Variants in ABCA10 observed in about 807,000 individuals in gnomAD.
The protein encoded by ABCA10 is ATP binding cassette subfamily A member 10, also known as ATP-binding cassette sub-family A member 10.
ABCA10 carries 169 observed loss-of-function variants against 187.5 expected under a neutral mutation model. The observed-to-expected ratio is 0.90, with a 90% CI of 0.80 to 1.02. ABCA10 has a LOEUF of 1.02. Among genes scored for constraint, ABCA10 ranks in the 50% least tolerant of loss-of-function variants. The probability of loss-of-function intolerance (pLI) is 0.00; values close to 1 mark genes in which losing one functional copy is unlikely to be tolerated. For missense variants in ABCA10, 1,727 were observed against 1,812.4 expected (o/e 0.95, Z 0.86); for synonymous variants, 574 against 601.8 (o/e 0.95, Z 0.68).
intron 20 of ABCA10, among the ~76,000 whole-genome samples, chr17:69,184,855 G>A (rs1344922927): frequency 9.8e-6 from 1 of 102,132 alleles, no homozygotes; most frequent in East Asian, 2.0e-4. Flanking sequence ...GTATATGTGT[G>A]TGTGTGTGTG....
chr17:69,182,929 G>T lies in ABCA10; in HGVS notation c.2498-121C>A, dbSNP rs912960590. On this transcript the variant is annotated intron_variant, in intron 20 of 38. Coordinates refer to ENST00000690296, the MANE Select transcript of ABCA10 (RefSeq NM_001377321.1). Reference sequence around the variant, plus strand: ...GAAAAACCCAGAATAGCTTAGTAAAGAGCCTTGCTCTTTAGGAGTACAATA... The same window carrying T: ...GAAAAACCCAGAATAGCTTAGTAAATAGCCTTGCTCTTTAGGAGTACAATA... 8.6e-6 allele frequency: 11 copies of T among 1,285,046 alleles called. No individual in the cohort carries two copies. In the African/African-American group the frequency reaches 1.5e-4, roughly 17 times the overall value. 79.6% of individuals were successfully genotyped at this position (1,285,046 alleles called of 1,614,324 possible).
Position 69,227,248 on chromosome 17 carries a change from T to C in ABCA10, c.-275A>G, listed in dbSNP as rs2074801955. On this transcript the variant is annotated 5_prime_UTR_variant, in exon 2 of 39. Transcript: ENST00000690296. ...TCTCTTTTTTAACCATTTTGTCCTG[T>C]TCATTAACAGGGTAAAGTAAATATT... The C allele has an allele frequency of 6.6e-6, 1 of 151,508 alleles. No homozygotes were observed. The highest frequency in any genetic ancestry group is 6.6e-5 in the Admixed American group (1 of 15,110). The allele number at this position is 151,508 out of a possible 1,614,324, so 9.4% of individuals were successfully genotyped here.
At chr17:69,170,088 GA>G (rs1032260051) in intron 25 of ABCA10, among the ~76,000 whole-genome samples, 38 of 152,144 alleles carry the variant, frequency 2.5e-4, no homozygotes, top group Middle Eastern at 3.4e-3. Context: ...AGGAGTTCAA[GA>G]CCAGCCTGGC....
intron 25 of ABCA10, among the ~76,000 whole-genome samples, chr17:69,166,872 T>C (rs1219610118): frequency 6.6e-6 from 1 of 152,106 alleles, no homozygotes; most frequent in Admixed American, 6.6e-5. Flanking sequence ...GGACACTGAT[T>C]AGTAGAAAAC....
At chr17:69,211,333 A>ATCATATATATACATCATATATAT (rs2074652675) in intron 9 of ABCA10, among the ~76,000 whole-genome samples, 1 of 111,592 alleles carries the variant, frequency 9.0e-6, no homozygotes, top group African/African-American at 5.6e-5. Flanking sequence ...ATATATATAT[A>ATCATATATATACATCATATATAT]TATATATATA....
intron 9 of ABCA10, among the ~76,000 whole-genome samples, chr17:69,207,538 T>G (rs552735179): frequency 2.0e-5 from 3 of 152,210 alleles, no homozygotes; most frequent in South Asian, 2.1e-4. Flanking sequence ...GAGATAGATA[T>G]ATATATATAT....
intron 6 of ABCA10, among the ~76,000 whole-genome samples, chr17:69,218,391 A>G (rs1298491777): frequency 6.6e-6 from 1 of 151,962 alleles, no homozygotes; most frequent in Non-Finnish European, 1.5e-5. Context: ...GGTTTTAGGG[A>G]AAAATCTTAA....
chr17:69,191,177 T>A lies in ABCA10; in HGVS notation c.2010A>T (p.Pro670=). The A allele has an allele frequency of 6.3e-7, 1 of 1,590,880 alleles. No homozygotes were observed. Among genetic ancestry groups the A allele is most frequent in the Non-Finnish European group, 8.6e-7 (1 of 1,167,474 alleles). ...SLPLEKTNKF[P]DLYSDLDKCS... ...CTATGTGATTACACAGTAAGTTACCTGGAAATTTGTTCGTTTTTTCCAAAG... is the reference window on the plus strand; with the variant it reads ...CTATGTGATTACACAGTAAGTTACCAGGAAATTTGTTCGTTTTTTCCAAAG... The change falls in exon 17 of 39, where the codon CCA becomes CCT. Residue 670 remains proline (P), a splice_region_variant and synonymous_variant. Transcript: ENST00000690296.
Position 69,165,026 on chromosome 17 carries a change from T to C in ABCA10, c.3220A>G (p.Ile1074Val), listed in dbSNP as rs1202094415. 1 of 1,609,682 alleles carries C rather than the reference T, an allele frequency of 6.2e-7. No individual in the cohort carries two copies. Among genetic ancestry groups the C allele is most frequent in the Non-Finnish European group, 8.5e-7 (1 of 1,176,212 alleles). ...VSTQYEKLNL[I>V]LCMIFIPSFT... The stretch of plus-strand genomic sequence containing the variant: ...GAAGGTATGAAAATCATGCACAAAA[T>C]TAAGTTGAGTTTTTCATATTGAGTT... Residue 1074 changes from isoleucine to valine, a missense_variant, in exon 26 of 39, where the codon ATT (isoleucine) becomes GTT (valine). Physicochemically the swap from Ile to Val is conservative, Grantham distance 29. Transcript: ENST00000690296.
rs1403755941 is a variant in ABCA10 at position 69,162,791 on chromosome 17, A to C, written c.3363+1283T>G. Reference sequence around the variant, plus strand: ...AAGTGTCCTCACTTTGATGGGGTTTATGTTGAAAAAATTACATATATACAT... The same window carrying C: ...AAGTGTCCTCACTTTGATGGGGTTTCTGTTGAAAAAATTACATATATACAT... On this transcript the variant is annotated intron_variant, in intron 27 of 38. Coordinates refer to ENST00000690296, the MANE Select transcript of ABCA10 (RefSeq NM_001377321.1). Among the ~76,000 whole-genome samples, 7 of 149,622 alleles carry C rather than the reference A, an allele frequency of 4.7e-5. No individual in the cohort carries two copies. The East Asian group carries it at 1.2e-3, about 25-fold the overall frequency.
In ABCA10 at chr17:69,153,543, C is replaced by T. The variant is rs1719566779; in HGVS notation, c.3969G>A (p.Leu1323=). Reference sequence around the variant, plus strand: ...GTTCCTGGAGCTTAAGAGCTTCCACCAATCTGACAAAAAACAGTGTGATTA... The same window carrying T: ...GTTCCTGGAGCTTAAGAGCTTCCACTAATCTGACAAAAAACAGTGTGATTA... ...KEDAALSISR[L]VEALKLQEQL... is the part of the protein sequence containing the mutation. The change falls in exon 33 of 39, where the codon TTG becomes TTA. Residue 1323 remains leucine, a synonymous_variant. Transcript: ENST00000690296. 1.2e-6 allele frequency: 2 copies of T among 1,613,624 alleles called. No homozygotes were observed. The highest frequency in any genetic ancestry group is 1.7e-6 in the Non-Finnish European group (2 of 1,179,882).
intron 27 of ABCA10, among the ~76,000 whole-genome samples, chr17:69,161,683 G>C (rs756256397): frequency 7.9e-5 from 12 of 152,164 alleles, no homozygotes; most frequent in Non-Finnish European, 1.8e-4. Context: ...GTTTGAACAG[G>C]ATCTGGTTTG....
chr17:69,231,333 TTATTC>T (rs1246688286), upstream of ABCA10, among the ~76,000 whole-genome samples: 1 of 152,196 alleles, frequency 6.6e-6, no homozygotes, highest in Non-Finnish European at 1.5e-5. Flanking sequence ...TTTGCTCCTG[TTATTC>T]TAGTTTCTTG....
rs751670549 is a variant in ABCA10, at chr17:69,216,052, A to G, written c.673-52T>C. 7 of 1,572,118 alleles carry G rather than the reference A, an allele frequency of 4.5e-6. No homozygotes were observed. In the African/African-American group the frequency reaches 9.7e-5, roughly 22 times the overall value. On this transcript the variant is annotated intron_variant, in intron 7 of 38. Coordinates refer to ENST00000690296, the MANE Select transcript of ABCA10 (RefSeq NM_001377321.1). ...TATATTTTTCCTTGAAGATTCATAAATAGCAATATTCATCGATTTCTCACA... is the reference window on the plus strand; with the variant it reads ...TATATTTTTCCTTGAAGATTCATAAGTAGCAATATTCATCGATTTCTCACA...
At chr17:69,187,561 G>A (rs1310199067) in intron 19 of ABCA10, 120 bp downstream of exon 19, 2 of 1,072,880 alleles carry the variant, frequency 1.9e-6, no homozygotes, top group East Asian at 5.3e-5. Context: ...GTAACAGCAG[G>A]ATAGGTAAAC....
intron 20 of ABCA10, 23 bp from the exon 21 acceptor site, chr17:69,182,831 ACAAG>A: frequency 6.9e-7 from 1 of 1,453,884 alleles, no homozygotes; most frequent in African/African-American, 2.3e-5. Context: ...AAGGAAGGCA[ACAAG>A]AAAAAAAAAA....
Position 69,194,417 on chromosome 17 carries a change from T to G in ABCA10, c.1313A>C (p.Asn438Thr), listed in dbSNP as rs2074483794. The stretch of plus-strand genomic sequence containing the variant: ...AGAAACAGACAATCCACTAAGAATG[T>G]TTAGCAGTGTTGATTTACCAGCTCC... ...HNGAGKSTLL[N>T]ILSGLSVSTE... Residue 438 changes from asparagine to threonine, a missense_variant, in exon 12 of 39, where the codon AAC (asparagine) becomes ACC (threonine). By Grantham distance (65) the Asn-to-Thr change is moderately conservative. Coordinates refer to ENST00000690296, the MANE Select transcript of ABCA10 (RefSeq NM_001377321.1). The G allele has an allele frequency of 6.2e-7, 1 of 1,612,820 alleles. No individual in the cohort carries two copies. The highest frequency in any genetic ancestry group is 8.5e-7 in the Non-Finnish European group (1 of 1,179,206).
chr17:69,179,862 T>G (rs762233574), intron 22 of ABCA10, among the ~76,000 whole-genome samples: 7 of 152,188 alleles, frequency 4.6e-5, no homozygotes, highest in Non-Finnish European at 1.0e-4. Flanking sequence ...AGAAAGCTTT[T>G]TTATTAAATG....
chr17:69,225,915 A>G (rs1368174732), intron 2 of ABCA10, among the ~76,000 whole-genome samples: 1 of 152,098 alleles, frequency 6.6e-6, no homozygotes, highest in African/African-American at 2.4e-5. Context: ...TACAAAAAAT[A>G]TAGATGATAA....
Sources: gnomAD v4.1 joint callset for allele counts (sites outside exome capture counted in the v4.1 genomes callset) on GRCh38, gnomAD v4.1.1 for gene constraint, MANE v1.5 for transcripts, NCBI Gene and HGNC (gene_info 2026-07-23, HGNC 2026-07-21) for gene names.